Variants in TONSL observed in about 807,000 individuals in gnomAD.
The protein encoded by TONSL is tonsoku-like protein.
In TONSL, 112 loss-of-function variants were observed where a neutral mutation model predicts 147.1. That is an observed-to-expected ratio of 0.76 (90% CI 0.65 to 0.89). The LOEUF (loss-of-function observed/expected upper bound fraction) is 0.89. TONSL is among the 40% of genes least tolerant of loss of function. The pLI, the probability that TONSL is intolerant of heterozygous loss-of-function variation, is 0.00. For synonymous variants in TONSL, 868 were observed against 801.5 expected (o/e 1.08, Z -1.40); for missense variants, 1,883 against 1,864.6 (o/e 1.01, Z -0.18).
At position 144,433,117 on chromosome 8, in the gene TONSL, G is replaced by A. The variant is rs185605227; in HGVS notation, c.3559+471C>T. ...TTTTTTTGACACGGAGTCTTGCTCT[G>A]TCGCCCAGGCTGGAGTGCAACGGCG... On this transcript the variant is annotated intron_variant, in intron 22 of 25. Coordinates refer to ENST00000409379, the MANE Select transcript of TONSL (RefSeq NM_013432.5). The A allele has an allele frequency of 1.9e-3, 294 of 158,158 alleles. 3 individuals carry two copies. Among genetic ancestry groups the A allele is most frequent in the Admixed American group, 2.5e-3 (41 of 16,530 alleles). 9.8% of individuals were successfully genotyped at this position (158,158 alleles called of 1,614,324 possible). A position where few individuals can be genotyped will look rare whatever the true frequency, so the allele number is the denominator to read the frequency against.
chr8:144,442,911 C>T (rs1823774800), intron 4 of TONSL, 105 bp from the exon 5 acceptor site: 7 of 1,440,410 alleles, frequency 4.9e-6, no homozygotes, highest in African/African-American at 4.3e-5. Flanking sequence ...CCCCCTCCCT[C>T]CTCCCGAGGT....
In TONSL at chr8:144,441,578, C is replaced by T. The variant is rs538249245; in HGVS notation, c.865+459G>A. On this transcript the variant is annotated intron_variant, in intron 7 of 25. Transcript: ENST00000409379. ...CTGCACTCCAGCCTGGGTGACAGAG[C>T]GAGACTCCGTCTCAAGAAAAAAAAA... 4.1e-5 allele frequency: 8 copies of T among 195,688 alleles called. 1 individual carries two copies. The South Asian group carries it at 4.4e-4, about 11-fold the overall frequency. 12.1% of individuals were successfully genotyped at this position (195,688 alleles called of 1,614,324 possible). A position where few individuals can be genotyped will look rare whatever the true frequency, so the allele number is the denominator to read the frequency against.
chr8:144,433,940 C>T (rs376172447), intron 21 of TONSL, 38 bp downstream of exon 21: 69 of 1,523,284 alleles, frequency 4.5e-5, no homozygotes, highest in South Asian at 1.0e-4. Context: ...AACCCCAACT[C>T]CCCGCTGTTG....
chr8:144,436,135 T>A lies in TONSL; in HGVS notation c.2298A>T (p.Ala766=), dbSNP rs1823445657. 2 of 1,563,446 alleles carry A rather than the reference T, an allele frequency of 1.3e-6. No homozygotes were observed. The highest frequency in any genetic ancestry group is 1.7e-6 in the Non-Finnish European group (2 of 1,161,338). Residue 766 remains alanine (A), a synonymous_variant, in exon 17 of 26, where the codon GCA becomes GCT. Transcript: ENST00000409379. Reference sequence around the variant, plus strand: ...CAGGCGTCCAGGCTGCCACCCGTTGTGCTGTGGCCGAGCACCGAGGCCTCT... The same window carrying A: ...CAGGCGTCCAGGCTGCCACCCGTTGAGCTGTGGCCGAGCACCGAGGCCTCT... ...SQKRPRCSAT[A]QRVAAWTPGP... is the part of the protein sequence containing the mutation.
rs562882991 is a variant in TONSL at position 144,441,150 on chromosome 8, G to A, written c.866-39C>T. On this transcript the variant is annotated intron_variant, in intron 7 of 25. Coordinates refer to ENST00000409379, the MANE Select transcript of TONSL (RefSeq NM_013432.5). Reference sequence around the variant, plus strand: ...GTTCATGCAGGGGGGCAGCACAGGGGGCCCTGACCCCAGCTCTACCACCTG... The same window carrying A: ...GTTCATGCAGGGGGGCAGCACAGGGAGCCCTGACCCCAGCTCTACCACCTG... 1.1e-5 allele frequency: 17 copies of A among 1,604,384 alleles called. No individual in the cohort carries two copies. In the Admixed American group the frequency reaches 1.8e-4, roughly 17 times the overall value.
In TONSL at chr8:144,429,114, G is replaced by A. The variant is rs940716983; in HGVS notation, c.*29C>T. 7.3e-6 allele frequency: 11 copies of A among 1,499,560 alleles called. No individual in the cohort carries two copies. The highest frequency in any genetic ancestry group is 9.7e-6 in the Non-Finnish European group (11 of 1,129,384). 92.9% of individuals were successfully genotyped at this position (1,499,560 alleles called of 1,614,324 possible). On this transcript the variant is annotated 3_prime_UTR_variant, in exon 26 of 26. Transcript: ENST00000409379. ...AGCAGCTTCATTTATTAGGGGCTTC[G>A]GTGAGGGTGGGGAAAGGCAGCGCCA...
At chr8:144,433,494 C>T (rs1345074822) in intron 22 of TONSL, 94 bp downstream of exon 22, 65 of 1,247,086 alleles carry the variant, frequency 5.2e-5, no homozygotes, top group Non-Finnish European at 7.3e-5. Flanking sequence ...CAGGTGTTGC[C>T]CCTGTGTGCC....
intron 20 of TONSL, 102 bp from the exon 21 acceptor site, chr8:144,434,381 C>T (rs1823347234): frequency 1.9e-6 from 2 of 1,034,988 alleles, no homozygotes; most frequent in Admixed American, 3.2e-5. Flanking sequence ...CCCCAGGGGT[C>T]ACCCACCAGA....
chr8:144,440,523 C>T, intron 9 of TONSL, 47 bp from the exon 10 acceptor site: 1 of 1,546,482 alleles, frequency 6.5e-7, no homozygotes, highest in East Asian at 2.3e-5. Flanking sequence ...CTGTCTGCGT[C>T]CAACGGGCCC....
chr8:144,434,161 C>T lies in TONSL; in HGVS notation c.3204G>A (p.Leu1068=). The T allele has an allele frequency of 1.2e-6, 2 of 1,609,660 alleles. No individual in the cohort carries two copies. Among genetic ancestry groups the T allele is most frequent in the Non-Finnish European group, 1.7e-6 (2 of 1,178,038 alleles). Residue 1068 remains leucine, a synonymous_variant, in exon 21 of 26, where the codon CTG becomes CTA. Transcript: ENST00000409379. ...QLTPLLRALK[L]HTALRELRLA... ...GGCGCAGCTCCCGGAGTGCTGTGTG[C>T]AGCTTGAGGGCCCGCAGCAGGGGTG...
Position 144,442,240 on chromosome 8 carries a change from C to G in TONSL, c.750+1G>C, listed in dbSNP as rs1823748085. 3 of 1,589,412 alleles carry G rather than the reference C, an allele frequency of 1.9e-6. No homozygotes were observed. The East Asian group carries it at 6.7e-5, about 36-fold the overall frequency. On this transcript the variant is annotated splice_donor_variant, in intron 6 of 25. Coordinates refer to ENST00000409379, the MANE Select transcript of TONSL (RefSeq NM_013432.5). LOFTEE classifies it high-confidence loss of function. ...AGCTCGGAGCCACGCACAGCGGGTA[C>G]CTGTGCAATAACCACGCAGCACTCG...
Position 144,438,496 on chromosome 8 carries a change from C to T in TONSL, c.1628G>A (p.Arg543His), listed in dbSNP as rs753535876. ...LHRACIEGQL[R>H]RVQDLVRQGH... The stretch of plus-strand genomic sequence containing the variant: ...CTGCCTCACAAGGTCCTGGACGCGG[C>T]GCAGCTGGCCCTCGATGCAGGCTCG... The change falls in exon 13 of 26, where the codon CGC (arginine) becomes CAC (histidine). Residue 543 changes from arginine to histidine, a missense_variant. Coordinates refer to ENST00000409379, the MANE Select transcript of TONSL (RefSeq NM_013432.5). 6.4e-5 allele frequency: 104 copies of T among 1,612,940 alleles called. No individual in the cohort carries two copies. The highest frequency in any genetic ancestry group is 1.7e-4 in the African/African-American group (13 of 74,930).
At chr8:144,437,882 A>C (rs773227981) in intron 13 of TONSL, 1 of 159,758 alleles carries the variant, frequency 6.3e-6, no homozygotes, top group Non-Finnish European at 1.4e-5. Flanking sequence ...CTAGGATTAT[A>C]GACATAAGCC....
Position 144,435,653 on chromosome 8 carries a change from C to A in TONSL, c.2775+5G>T, listed in dbSNP as rs773056734. ...GAGGGCTCTGCTCCAGGTCTGCATA[C>A]CCACCAAGGGCTGGCCTGCCGCAGA... On this transcript the variant is annotated splice_donor_5th_base_variant and intron_variant, in intron 17 of 25. Coordinates refer to ENST00000409379, the MANE Select transcript of TONSL (RefSeq NM_013432.5). 30 of 1,596,038 alleles carry A rather than the reference C, an allele frequency of 1.9e-5. No individual in the cohort carries two copies. The highest frequency in any genetic ancestry group is 2.4e-5 in the Non-Finnish European group (28 of 1,167,664).
intron 7 of TONSL, 82 bp from the exon 8 acceptor site, chr8:144,441,193 G>C: frequency 6.4e-7 from 1 of 1,556,428 alleles, no homozygotes; most frequent in South Asian, 1.2e-5. Context: ...TGAGCCCTGT[G>C]GTGGCCCCCC....
intron 7 of TONSL, 108 bp downstream of exon 7, chr8:144,441,929 T>C (rs1215910358): frequency 2.2e-6 from 2 of 921,268 alleles, no homozygotes; most frequent in Non-Finnish European, 3.3e-6. Flanking sequence ...TGCTCAGGCC[T>C]CCTCTGTGAG....
Position 144,441,036 on chromosome 8 carries a change from C to T in TONSL, c.941G>A (p.Cys314Tyr), listed in dbSNP as rs1383390088. ...GGAGAAGAGGTCCCCTAGCTGCTCA[C>T]AGATGACCATGGCACCCTGAGGGTC... is the stretch of plus-strand genomic sequence containing the variant. Reference protein sequence around the residue: ...GRDPQGAMVICEQLGDLFSKA... With the variant: ...GRDPQGAMVIYEQLGDLFSKA... Residue 314 changes from cysteine to tyrosine, a missense_variant, in exon 8 of 26, where the codon TGT (cysteine) becomes TAT (tyrosine). By Grantham distance (194) the Cys-to-Tyr change is radical (BLOSUM62 -2). Coordinates refer to ENST00000409379, the MANE Select transcript of TONSL (RefSeq NM_013432.5). 6.2e-7 allele frequency: 1 copy of T among 1,613,090 alleles called. No homozygotes were observed. The highest frequency in any genetic ancestry group is 8.5e-7 in the Non-Finnish European group (1 of 1,180,002).
chr8:144,441,749 G>A, intron 7 of TONSL: 1 of 389,750 alleles, frequency 2.6e-6, no homozygotes, highest in East Asian at 5.8e-5. Flanking sequence ...ACTGTCTCCA[G>A]TTTGCCAATG....
chr8:144,432,330 C>T lies in TONSL; in HGVS notation c.3690G>A (p.Lys1230=). The T allele has an allele frequency of 6.2e-7, 1 of 1,613,710 alleles. No homozygotes were observed. The highest frequency in any genetic ancestry group is 8.5e-7 in the Non-Finnish European group (1 of 1,179,936). Residue 1230 remains lysine, a synonymous_variant, in exon 23 of 26, where the codon AAG becomes AAA. Coordinates refer to ENST00000409379, the MANE Select transcript of TONSL (RefSeq NM_013432.5). ...HLELSSVAAG[K]GDSDLMEPVF... The stretch of plus-strand genomic sequence containing the variant: ...CAGGCTCCATGAGGTCCGAATCACC[C>T]TTGCCGGCTGCCACGGAGCTGAGCT...
Sources: gnomAD v4.1 joint callset for allele counts on GRCh38, gnomAD v4.1.1 for gene constraint, MANE v1.5 for transcripts, NCBI Gene and HGNC (gene_info 2026-07-23, HGNC 2026-07-21) for gene names.